Variants in EFR3B observed in about 807,000 individuals in gnomAD.
EFR3B encodes the protein protein EFR3 homolog B.
In EFR3B, 64 loss-of-function variants were observed where a neutral mutation model predicts 104.7. The observed-to-expected ratio is 0.61, with a 90% CI of 0.50 to 0.75. The LOEUF (loss-of-function observed/expected upper bound fraction) is 0.75. EFR3B is among the 30% of genes least tolerant of loss of function. The pLI is 0.00. For missense variants in EFR3B, 750 were observed against 1,078.5 expected (o/e 0.70, Z 4.27); for synonymous variants, 385 against 417.9 (o/e 0.92, Z 0.96).
At chr2:25,070,955 CTCTTTTCTTT>C (rs773307382) in intron 1 of EFR3B, among the ~76,000 whole-genome samples, 1 of 152,224 alleles carries the variant, frequency 6.6e-6, no homozygotes, top group Non-Finnish European at 1.5e-5. Flanking sequence ...CAGGCTCAAG[CTCTTTTCTTT>C]TCTTTTCTTT....
At chr2:25,055,929 G>A (rs750302602) in intron 1 of EFR3B, among the ~76,000 whole-genome samples, 17 of 152,196 alleles carry the variant, frequency 1.1e-4, no homozygotes, top group Non-Finnish European at 2.5e-4. Context: ...AACCTCTTGA[G>A]GACACTATCT....
rs199969836 is a variant in EFR3B, at chr2:25,144,969, G to A, written c.2060G>A (p.Arg687His). Residue 687 changes from arginine (R) to histidine (H), a missense_variant, in exon 19 of 23, where the codon CGT (arginine) becomes CAT (histidine). By Grantham distance (29) the Arg-to-His change is conservative. Coordinates refer to ENST00000403714, the MANE Select transcript of EFR3B (RefSeq NM_014971.2). ...GCTGCTTCTTCCCCAGATGAGGATC[G>A]TTTATCCAAGAGGAGGAGCATTGGA... is the stretch of plus-strand genomic sequence containing the variant. Reference protein sequence around the residue: ...PYIPQLTDEDRLSKRRSIGET... With the variant: ...PYIPQLTDEDHLSKRRSIGET... 651 of 1,551,676 alleles carry A rather than the reference G, an allele frequency of 4.2e-4. 1 individual carries two copies. The highest frequency in any genetic ancestry group is 5.0e-4 in the Non-Finnish European group (573 of 1,146,972).
Position 25,089,453 on chromosome 2 carries a change from C to A in EFR3B, c.8-1872C>A, listed in dbSNP as rs557664093. 6.0e-3 allele frequency among the ~76,000 whole-genome samples: 915 copies of A among 152,238 alleles called. 12 individuals are homozygous for A. Among genetic ancestry groups the A allele is most frequent in the African/African-American group, 0.021 (878 of 41,544 alleles). On this transcript the variant is annotated intron_variant, in intron 1 of 22. Coordinates refer to ENST00000403714, the MANE Select transcript of EFR3B (RefSeq NM_014971.2). ...TCCTAACTTCCCCATGTTTCTATTT[C>A]CTCACTCCCTTAAAATGCAAAAGGG...
intron 4 of EFR3B, among the ~76,000 whole-genome samples, chr2:25,116,504 A>G (rs1372146538): frequency 2.0e-5 from 3 of 149,286 alleles, no homozygotes; most frequent in Non-Finnish European, 1.5e-5. Flanking sequence ...GGCACCTGTA[A>G]TCCTAGCTTT....
chr2:25,048,700 A>G (rs957193297), intron 1 of EFR3B, among the ~76,000 whole-genome samples: 9 of 152,262 alleles, frequency 5.9e-5, no homozygotes, highest in African/African-American at 2.2e-4. Context: ...ATTATATATG[A>G]ATATCATTAC....
chr2:25,124,469 G>A (rs1325438198), intron 5 of EFR3B, among the ~76,000 whole-genome samples: 1 of 152,016 alleles, frequency 6.6e-6, no homozygotes, highest in Non-Finnish European at 1.5e-5. Flanking sequence ...GCTCACGCCT[G>A]TAATCCCAGC....
chr2:25,102,965 T>C (rs1029097472), intron 3 of EFR3B, among the ~76,000 whole-genome samples: 2 of 152,218 alleles, frequency 1.3e-5, no homozygotes, highest in Non-Finnish European at 2.9e-5. Flanking sequence ...ATCATGGAAC[T>C]TCTGAGGCTT....
chr2:25,096,524 G>GA (rs561299669), intron 3 of EFR3B, among the ~76,000 whole-genome samples: 3 of 152,098 alleles, frequency 2.0e-5, no homozygotes, highest in Non-Finnish European at 2.9e-5. Flanking sequence ...AGCTCTTTGA[G>GA]AAAAAATCCA....
chr2:25,152,019 G>A lies in EFR3B; in HGVS notation c.2297G>A (p.Arg766Gln), dbSNP rs1013343231. Residue 766 changes from arginine to glutamine, a missense_variant and splice_region_variant, in exon 21 of 23, where the codon CGG becomes CAG. Arg to Gln is a conservative substitution (Grantham distance 43). Coordinates refer to ENST00000403714, the MANE Select transcript of EFR3B (RefSeq NM_014971.2). ...GAGATTGCTGCACACTGCGGGGCCCGGGTAAGTGAAGCATGACATGGGCGA... is the reference window on the plus strand; with the variant it reads ...GAGATTGCTGCACACTGCGGGGCCCAGGTAAGTGAAGCATGACATGGGCGA... The part of the protein sequence containing the change: ...FEEIAAHCGA[R>Q]ASLLQSKLNQ... 9 of 1,551,518 alleles carry A rather than the reference G, an allele frequency of 5.8e-6. No individual in the cohort carries two copies. Among genetic ancestry groups the A allele is most frequent in the East Asian group, 2.4e-5 (1 of 40,924 alleles).
chr2:25,138,317 GC>G (rs2149208827), intron 15 of EFR3B, among the ~76,000 whole-genome samples: 2 of 152,362 alleles, frequency 1.3e-5, no homozygotes, highest in Non-Finnish European at 2.9e-5. Context: ...TGTCTACCAA[GC>G]CTCCTTTGCG....
rs1670019775 is a variant in EFR3B at position 25,121,699 on chromosome 2, G to A, written c.390G>A (p.Glu130=). ...NSFVKFANIE[E]DTPSYHRSYD... ...TTGTGAAGTTTGCCAACATCGAGGA[G>A]GACACCCCGTCCTATCACCGGAGCT... is the stretch of plus-strand genomic sequence containing the variant. The change falls in exon 5 of 23, where the codon GAG becomes GAA. Residue 130 remains glutamate, a synonymous_variant. Coordinates refer to ENST00000403714, the MANE Select transcript of EFR3B (RefSeq NM_014971.2). 2 of 1,551,582 alleles carry A rather than the reference G, an allele frequency of 1.3e-6. No individual in the cohort carries two copies. Among genetic ancestry groups the A allele is most frequent in the South Asian group, 2.4e-5 (2 of 84,064 alleles).
At chr2:25,104,989 G>A (rs917979298) in intron 4 of EFR3B, among the ~76,000 whole-genome samples, 3 of 152,168 alleles carry the variant, frequency 2.0e-5, no homozygotes, top group Non-Finnish European at 4.4e-5. Flanking sequence ...ATATCTTGCT[G>A]TCTCTCCCAT....
chr2:25,128,733 C>T (rs1413457524), intron 6 of EFR3B, among the ~76,000 whole-genome samples: 2 of 151,576 alleles, frequency 1.3e-5, no homozygotes, highest in Non-Finnish European at 2.9e-5. Context: ...CTGAGGCGGG[C>T]AGATCACGAG....
intron 4 of EFR3B, among the ~76,000 whole-genome samples, chr2:25,109,885 A>G (rs1047397847): frequency 2.0e-5 from 3 of 152,160 alleles, no homozygotes; most frequent in Admixed American, 1.3e-4. Context: ...AAAAAGTTGT[A>G]CTCTGAGTAA....
intron 1 of EFR3B, among the ~76,000 whole-genome samples, chr2:25,084,400 C>G (rs1038264843): frequency 3.9e-5 from 6 of 151,948 alleles, no homozygotes; most frequent in African/African-American, 7.3e-5. Context: ...CCACGCCCTG[C>G]TAATTTTTTT....
intron 1 of EFR3B, chr2:25,080,496 T>C: frequency 2.1e-6 from 1 of 480,368 alleles, no homozygotes; most frequent in East Asian, 3.6e-5. Context: ...GGTTTCACCG[T>C]GTTGGCCAGA....
At chr2:25,059,144 G>A (rs1478954818) in intron 1 of EFR3B, among the ~76,000 whole-genome samples, 3 of 145,190 alleles carry the variant, frequency 2.1e-5, no homozygotes, top group East Asian at 2.1e-4. Flanking sequence ...ATGGAGTCTC[G>A]GTGTGTCTCC....
chr2:25,151,784 C>T (rs920817226), intron 20 of EFR3B, 130 bp from the exon 21 acceptor site: 55 of 997,140 alleles, frequency 5.5e-5, no homozygotes, highest in African/African-American at 8.1e-5. Context: ...CGCACCTCCA[C>T]GCCACTGTCC....
chr2:25,140,056 T>C (rs965597549), intron 16 of EFR3B, among the ~76,000 whole-genome samples: 3 of 152,190 alleles, frequency 2.0e-5, no homozygotes, highest in African/African-American at 7.2e-5. Flanking sequence ...CTCAAGCCTG[T>C]AATCCCAGCA....
Sources: allele counts gnomAD v4.1 joint callset (sites outside exome capture counted in the v4.1 genomes callset), GRCh38; gene constraint gnomAD v4.1.1; transcripts MANE v1.5; gene names NCBI Gene and HGNC (gene_info 2026-07-23, HGNC 2026-07-21).